ANKRD26: variants seen among roughly 807,000 people sequenced by gnomAD.
ANKRD26 encodes ankyrin repeat domain-containing protein 26.
In ANKRD26, 141 loss-of-function variants were observed where a neutral mutation model predicts 208.7. That is an observed-to-expected ratio of 0.68 (90% CI 0.59 to 0.78). The LOEUF is 0.78. Among genes scored for constraint, ANKRD26 ranks in the 30% least tolerant of loss-of-function variants. ANKRD26 has a pLI of 0.00. For synonymous variants in ANKRD26, 636 were observed against 660.4 expected (o/e 0.96, Z 0.57); for missense variants, 1,889 against 1,938.7 (o/e 0.97, Z 0.48).
At chr10:27,081,839 G>A (rs545730462) in intron 6 of ANKRD26, among the ~76,000 whole-genome samples, 123 of 151,980 alleles carry the variant, frequency 8.1e-4, no homozygotes, top group Non-Finnish European at 8.8e-4. Context: ...CCGGGTTCAA[G>A]CCATTCTCCT....
rs2052801840 is a variant in ANKRD26, at chr10:27,004,446, G to A, written c.*1144C>T. On this transcript the variant is annotated 3_prime_UTR_variant, in exon 34 of 34. Coordinates refer to ENST00000376087, the MANE Select transcript of ANKRD26 (RefSeq NM_014915.3). ...GATGGGGAGTAGAGATATGTACATA[G>A]TCTCAAATTACCTCCCTGTAAAATA... is the stretch of plus-strand genomic sequence containing the variant. 1 of 152,070 alleles carries A rather than the reference G, an allele frequency of 6.6e-6. No homozygotes were observed. Among genetic ancestry groups the A allele is most frequent in the African/African-American group, 2.4e-5 (1 of 41,398 alleles). 9.4% of individuals were successfully genotyped at this position (152,070 alleles called of 1,614,324 possible).
At chr10:26,977,810 G>T (rs945802954) in intron 5 of ANKRD26, among the ~76,000 whole-genome samples, 5 of 152,170 alleles carry the variant, frequency 3.3e-5, no homozygotes, top group African/African-American at 1.2e-4. Context: ...CAGGGCAAAG[G>T]AGAAAGCCCG....
In ANKRD26 at chr10:27,079,112, C is replaced by T. The variant is rs756064902; in HGVS notation, c.790G>A (p.Glu264Lys). ...VDDSWPTSDD[E>K]DLNFDTKNVP... ...ACCTTAGTATCAAAATTGAGGTCTT[C>T]GTCATCTGAGGTAGGCCATGAATCA... The change falls in exon 7 of 34, where the codon GAA (glutamate) becomes AAA (lysine). Residue 264 changes from glutamate to lysine, a missense_variant. Coordinates refer to ENST00000376087, the MANE Select transcript of ANKRD26 (RefSeq NM_014915.3). 7 of 1,613,560 alleles carry T rather than the reference C, an allele frequency of 4.3e-6. No individual in the cohort carries two copies. Among genetic ancestry groups the T allele is most frequent in the African/African-American group, 2.7e-5 (2 of 74,878 alleles).
intron 25 of ANKRD26, among the ~76,000 whole-genome samples, chr10:27,030,220 A>T (rs918050056): frequency 6.6e-6 from 1 of 152,256 alleles, no homozygotes; most frequent in Non-Finnish European, 1.5e-5. Flanking sequence ...AAGTGAAAGC[A>T]AATGGGGAGC....
intron 1 of ANKRD26, 130 bp downstream of exon 1, chr10:27,099,955 T>C (rs991591191): frequency 1.4e-6 from 2 of 1,436,910 alleles, no homozygotes; most frequent in Admixed American, 3.6e-5. Context: ...CCCTGCAAGG[T>C]GTCACCGTCC....
chr10:27,013,166 C>T, intron 31 of ANKRD26, 56 bp from the exon 32 acceptor site: 1 of 1,495,022 alleles, frequency 6.7e-7, no homozygotes, highest in Non-Finnish European at 9.2e-7. Flanking sequence ...TAAATGATTC[C>T]TAAAAGACTT....
Position 27,004,379 on chromosome 10 carries a change from C to T in ANKRD26, c.*1211G>A, listed in dbSNP as rs1278316734. ...CACTGAATAAAATAAACCATGAATC[C>T]ATGGTTTATTTGATACAAGCAAATG... On this transcript the variant is annotated 3_prime_UTR_variant, in exon 34 of 34. Coordinates refer to ENST00000376087, the MANE Select transcript of ANKRD26 (RefSeq NM_014915.3). The T allele has an allele frequency of 6.6e-6, 1 of 151,658 alleles. No homozygotes were observed. The highest frequency in any genetic ancestry group is 1.5e-5 in the Non-Finnish European group (1 of 67,920). 9.4% of individuals were successfully genotyped at this position (151,658 alleles called of 1,614,324 possible).
the ANKRD26 span, among the ~76,000 whole-genome samples, chr10:26,967,819 C>T: frequency 6.6e-6 from 1 of 152,114 alleles, no homozygotes; most frequent in African/African-American, 2.4e-5. Flanking sequence ...TAATCATTTA[C>T]CATGTACTGT....
At chr10:27,017,072 T>C (rs552289130) in intron 30 of ANKRD26, among the ~76,000 whole-genome samples, 2 of 152,306 alleles carry the variant, frequency 1.3e-5, no homozygotes, top group South Asian at 2.1e-4. Context: ...TGTGCACCTG[T>C]AGTCCCAGCT....
intron 15 of ANKRD26, among the ~76,000 whole-genome samples, chr10:27,056,912 G>A (rs914691748): frequency 1.3e-5 from 2 of 152,182 alleles, no homozygotes; most frequent in Admixed American, 6.5e-5. Flanking sequence ...ATTCACAAAG[G>A]TCATGGAGAG....
At chr10:27,046,606 G>A in intron 17 of ANKRD26, 83 bp from the exon 18 acceptor site, 1 of 1,346,162 alleles carries the variant, frequency 7.4e-7, no homozygotes, top group Non-Finnish European at 1.0e-6. Flanking sequence ...TTAAGGAAAA[G>A]AAAGAATAAA....
At chr10:27,037,703 A>G (rs1484867278) in intron 22 of ANKRD26, among the ~76,000 whole-genome samples, 168 bp downstream of exon 22, 1 of 152,202 alleles carries the variant, frequency 6.6e-6, no homozygotes, top group Non-Finnish European at 1.5e-5. Context: ...CTAAGCATCT[A>G]TTAGGTGCCA....
At chr10:27,052,043 T>C in intron 16 of ANKRD26, 2 of 985,416 alleles carry the variant, frequency 2.0e-6, no homozygotes, top group Non-Finnish European at 2.4e-6. Context: ...GTTCTGGTTC[T>C]TGAGACATCT....
chr10:27,043,334 C>CT, intron 20 of ANKRD26, 92 bp downstream of exon 20: 1 of 1,466,018 alleles, frequency 6.8e-7, no homozygotes, highest in Non-Finnish European at 9.5e-7. Context: ...TGAAGCACTG[C>CT]AAAATGTATG....
intron 4 of ANKRD26, among the ~76,000 whole-genome samples, chr10:27,090,588 G>A (rs2056268979): frequency 1.3e-5 from 2 of 151,986 alleles, no homozygotes; most frequent in African/African-American, 4.8e-5. Flanking sequence ...TTACCACCAA[G>A]GCTAAAAGGA....
intron 5 of ANKRD26, among the ~76,000 whole-genome samples, chr10:27,084,269 G>A (rs10764669): frequency 0.5 from 75,050 of 150,038 alleles, 21,496 homozygotes; most frequent in Non-Finnish European, 0.65. Flanking sequence ...ATTCTGTAAC[G>A]TTAGAAAAAT....
the ANKRD26 span, among the ~76,000 whole-genome samples, chr10:26,948,027 C>CA: frequency 6.6e-6 from 1 of 151,992 alleles, no homozygotes; most frequent in African/African-American, 2.4e-5. Flanking sequence ...CTGCGTCCTC[C>CA]ACATTCAGTT....
At chr10:26,987,761 A>C (rs923836843), downstream of ANKRD26, among the ~76,000 whole-genome samples, 1 of 152,182 alleles carries the variant, frequency 6.6e-6, no homozygotes, top group African/African-American at 2.4e-5. Flanking sequence ...TGACAGACAC[A>C]TATTAAGTAT....
chr10:26,994,947 A>T, intron 5 of ANKRD26: 1 of 407,068 alleles, frequency 2.5e-6, no homozygotes, highest in Non-Finnish European at 5.0e-6. Context: ...CTTGGGGAAG[A>T]GGACTGGCTT....
Sources: allele counts gnomAD v4.1 joint callset (sites outside exome capture counted in the v4.1 genomes callset), GRCh38; gene constraint gnomAD v4.1.1; transcripts MANE v1.5; gene names NCBI Gene and HGNC (gene_info 2026-07-23, HGNC 2026-07-21).